Variants in EPHA6 observed in about 807,000 individuals in gnomAD.
EPHA6 encodes ephrin type-A receptor 6.
In EPHA6, 50 loss-of-function variants were observed where a neutral mutation model predicts 112.0. The observed-to-expected ratio is 0.45, with a 90% CI of 0.36 to 0.56. The LOEUF is 0.56. Ranked by LOEUF, EPHA6 falls within the 20% of genes least tolerant of loss-of-function variation. The pLI is 0.00. For synonymous variants in EPHA6, 529 were observed against 490.7 expected (o/e 1.08, Z -1.03); for missense variants, 1,280 against 1,417.4 (o/e 0.90, Z 1.56).
chr3:97,340,007 G>A (rs1223428758), intron 5 of EPHA6, among the ~76,000 whole-genome samples: 3 of 152,124 alleles, frequency 2.0e-5, no homozygotes, highest in African/African-American at 7.2e-5. Context: ...AGAGGGCTTG[G>A]GATATATGAA....
intron 3 of EPHA6, among the ~76,000 whole-genome samples, chr3:97,164,004 T>G (rs906261126): frequency 1.3e-5 from 2 of 152,202 alleles, no homozygotes; most frequent in Admixed American, 1.3e-4. Flanking sequence ...TACACACAGA[T>G]GCCTTCAGGT....
At chr3:96,998,795 T>G (rs1240214638) in intron 3 of EPHA6, among the ~76,000 whole-genome samples, 1 of 151,876 alleles carries the variant, frequency 6.6e-6, no homozygotes, top group Non-Finnish European at 1.5e-5. Context: ...TCTTTTATTC[T>G]GTATTTCTAG....
intron 5 of EPHA6, among the ~76,000 whole-genome samples, chr3:97,382,115 GATGAGCATGTTTTAAATGAGTCTGA>G (rs2085783084): frequency 6.6e-6 from 1 of 152,058 alleles, no homozygotes; most frequent in East Asian, 1.9e-4. Flanking sequence ...TTGTATGCAT[GATGAGCATGTTTTAAATGAGTCTGA>G]TAAGTATACA....
intron 3 of EPHA6, among the ~76,000 whole-genome samples, chr3:97,192,497 G>A (rs2077334039): frequency 6.6e-6 from 1 of 152,102 alleles, no homozygotes; most frequent in Admixed American, 6.6e-5. Context: ...CTGTAGAGTT[G>A]TTTGAGCTCC....
At chr3:96,897,796 T>C (rs978844013) in intron 2 of EPHA6, among the ~76,000 whole-genome samples, 6 of 152,180 alleles carry the variant, frequency 3.9e-5, no homozygotes, top group Non-Finnish European at 7.4e-5. Flanking sequence ...AGTATGTTGA[T>C]TGACAATGTG....
intron 2 of EPHA6, among the ~76,000 whole-genome samples, chr3:96,943,532 TAGCTGTTCTGTGAATAGAAG>T (rs1471779130): frequency 5.3e-5 from 8 of 152,226 alleles, no homozygotes; most frequent in Non-Finnish European, 1.0e-4. Context: ...ACTGGGGTGA[TAGCTGTTCTGTGAATAGAAG>T]ATGCACATAA....
intron 10 of EPHA6, among the ~76,000 whole-genome samples, chr3:97,513,518 T>C (rs144122587): frequency 2.6e-5 from 4 of 152,196 alleles, no homozygotes; most frequent in Non-Finnish European, 4.4e-5. Context: ...ATCCTGTCAT[T>C]TGTGACAAGA....
chr3:97,079,856 C>T (rs2046664068), intron 3 of EPHA6, among the ~76,000 whole-genome samples: 1 of 151,524 alleles, frequency 6.6e-6, no homozygotes, highest in Admixed American at 6.6e-5. Flanking sequence ...GGCTCTCCAC[C>T]AGCAAAAAAA....
At chr3:97,550,209 T>C (rs2093010840) in intron 11 of EPHA6, among the ~76,000 whole-genome samples, 1 of 152,184 alleles carries the variant, frequency 6.6e-6, no homozygotes, top group Non-Finnish European at 1.5e-5. Flanking sequence ...TTTTATGATC[T>C]CTCACAGTAA....
chr3:97,036,665 C>T (rs2045108683), intron 3 of EPHA6, among the ~76,000 whole-genome samples: 1 of 151,998 alleles, frequency 6.6e-6, no homozygotes, highest in Non-Finnish European at 1.5e-5. Context: ...CTATTCTAGG[C>T]AGTACCCTTT....
intron 5 of EPHA6, among the ~76,000 whole-genome samples, chr3:97,369,791 A>G (rs528165073): frequency 6.6e-6 from 1 of 152,320 alleles, no homozygotes; most frequent in Non-Finnish European, 1.5e-5. Flanking sequence ...TGTGGTAAAT[A>G]ATATCTAGAC....
chr3:97,598,056 T>A (rs2093608881), intron 12 of EPHA6, among the ~76,000 whole-genome samples: 1 of 152,144 alleles, frequency 6.6e-6, no homozygotes, highest in South Asian at 2.1e-4. Context: ...CAAATTGCAC[T>A]TCAGAAAAAT....
intron 2 of EPHA6, among the ~76,000 whole-genome samples, chr3:96,882,935 TAG>T (rs890608571): frequency 1.7e-4 from 26 of 152,200 alleles, no homozygotes; most frequent in African/African-American, 6.3e-4. Flanking sequence ...TTCCTCTGGG[TAG>T]ATACCCAGTA....
chr3:97,574,065 C>G (rs780080362), intron 11 of EPHA6, among the ~76,000 whole-genome samples: 165 of 152,024 alleles, frequency 1.1e-3, no homozygotes, highest in Non-Finnish European at 1.3e-3. Flanking sequence ...GTAATGTGGA[C>G]CCAGTCACTT....
intron 16 of EPHA6, among the ~76,000 whole-genome samples, chr3:97,743,113 G>A (rs2035577435): frequency 6.6e-6 from 1 of 151,954 alleles, no homozygotes; most frequent in Non-Finnish European, 1.5e-5. Context: ...CGCAATACAA[G>A]GAATAATTTG....
chr3:96,836,225 C>A (rs1258240295), intron 1 of EPHA6, among the ~76,000 whole-genome samples: 1 of 152,002 alleles, frequency 6.6e-6, no homozygotes, highest in East Asian at 1.9e-4. Flanking sequence ...ATTATTTAGT[C>A]CATTAATATT....
At chr3:97,181,600 T>C (rs2076990892) in intron 3 of EPHA6, among the ~76,000 whole-genome samples, 1 of 151,820 alleles carries the variant, frequency 6.6e-6, no homozygotes, top group Admixed American at 6.6e-5. Context: ...TGTGTGTGTA[T>C]ATATGTGTGT....
chr3:96,923,909 A>G (rs1010364261), intron 2 of EPHA6, among the ~76,000 whole-genome samples: 3 of 152,044 alleles, frequency 2.0e-5, no homozygotes, highest in Non-Finnish European at 4.4e-5. Context: ...TGCTTGTTTT[A>G]GTCGGGTTTG....
intron 3 of EPHA6, among the ~76,000 whole-genome samples, chr3:97,093,513 G>A (rs1279509954): frequency 6.6e-6 from 1 of 152,028 alleles, no homozygotes; most frequent in African/African-American, 2.4e-5. Flanking sequence ...TCGTGTAACT[G>A]CACTCCAGCC....
Sources: gnomAD v4.1 joint callset for allele counts (sites outside exome capture counted in the v4.1 genomes callset) on GRCh38, gnomAD v4.1.1 for gene constraint, MANE v1.5 for transcripts, NCBI Gene and HGNC (gene_info 2026-07-23, HGNC 2026-07-21) for gene names.